The following PCDH11Y variants were observed in gnomAD, a reference collection of about 807,000 sequenced individuals.
PCDH11Y encodes protocadherin 11 Y-linked.
For missense variants in PCDH11Y, 12 were observed against 224.8 expected, an observed-to-expected ratio of 0.05 and a Z score of 6.05; for synonymous variants, 9 against 83.6, an observed-to-expected ratio of 0.11 and a Z score of 4.87.
At chrY:5,295,210 C>T in intron 2 of PCDH11Y, among the ~76,000 whole-genome samples, 1 of 32,639 alleles carries the variant, frequency 3.1e-5, no homozygotes, top group Non-Finnish European at 7.5e-5. Flanking sequence ...TTATTAAATG[C>T]CTTGAGGTGA....
At chrY:5,407,991 C>A (rs2053242378) in intron 2 of PCDH11Y, among the ~76,000 whole-genome samples, 1 of 28,838 alleles carries the variant, frequency 3.5e-5, no homozygotes. Context: ...CGCAGAAGCA[C>A]ATCTTTGTCT....
intron 2 of PCDH11Y, among the ~76,000 whole-genome samples, chrY:5,158,088 A>G: frequency 3.1e-5 from 1 of 32,394 alleles, no homozygotes; most frequent in Non-Finnish European, 7.6e-5. Flanking sequence ...ACCTTATCCA[A>G]TTCTTCAAAA....
chrY:5,605,052 A>G (rs2124700052), intron 4 of PCDH11Y, among the ~76,000 whole-genome samples: 3 of 33,314 alleles, frequency 9.0e-5, no homozygotes, highest in African/African-American at 3.5e-4. Flanking sequence ...TACAAATGGT[A>G]GTTTATCCTT....
intron 2 of PCDH11Y, among the ~76,000 whole-genome samples, chrY:5,300,797 A>G: frequency 3.0e-5 from 1 of 33,597 alleles, no homozygotes; most frequent in Admixed American, 2.8e-4. Flanking sequence ...TCTTTCAATG[A>G]CAGCAGGTTT....
chrY:5,416,310 A>G, intron 2 of PCDH11Y, among the ~76,000 whole-genome samples: 1 of 33,068 alleles, frequency 3.0e-5, no homozygotes, highest in Non-Finnish European at 7.4e-5. Flanking sequence ...CTGCATTACA[A>G]GTGAAGGCAA....
intron 3 of PCDH11Y, among the ~76,000 whole-genome samples, chrY:5,513,185 C>T (rs2053368121): frequency 3.2e-5 from 1 of 31,598 alleles, no homozygotes; most frequent in Non-Finnish European, 7.6e-5. Context: ...CACTGGCCAC[C>T]ACGCCCGGCT....
chrY:5,509,041 A>C lies in PCDH11Y; in HGVS notation c.3328+7786A>C, dbSNP rs2053361536. On this transcript the variant is annotated intron_variant, in intron 3 of 4. Transcript: ENST00000400457. ...AGATAACTGAGATTTGGCCCTTTTA[A>C]GCAACAACTTAATGTTCTAAATTAA... Among the ~76,000 whole-genome samples the C allele has an allele frequency of 6.6e-4, 22 of 33,083 alleles. No homozygotes were observed. In the South Asian group the frequency reaches 0.014, roughly 21 times the overall value. The allele number at this position is 33,083 out of a possible 37,273, so 88.8% of individuals were successfully genotyped here.
chrY:5,507,982 C>A, intron 3 of PCDH11Y, among the ~76,000 whole-genome samples: 1 of 33,152 alleles, frequency 3.0e-5, no homozygotes, highest in African/African-American at 1.2e-4. Flanking sequence ...AGACTATTTG[C>A]CATTTGTTAT....
At chrY:5,013,261 A>C in intron 1 of PCDH11Y, among the ~76,000 whole-genome samples, 2 of 33,807 alleles carry the variant, frequency 5.9e-5, no homozygotes, top group African/African-American at 2.3e-4. Flanking sequence ...AAAAAATATG[A>C]AATAATTTCT....
intron 1 of PCDH11Y, among the ~76,000 whole-genome samples, chrY:5,024,056 T>C (rs111335135): frequency 3.0e-5 from 1 of 33,387 alleles, no homozygotes; most frequent in Non-Finnish European, 7.4e-5. Flanking sequence ...TCTTTACTTA[T>C]TGATGTAGTG....
intron 2 of PCDH11Y, among the ~76,000 whole-genome samples, chrY:5,256,096 A>C: frequency 6.0e-5 from 2 of 33,310 alleles, no homozygotes; most frequent in Non-Finnish European, 1.5e-4. Context: ...CTTGTAGGGT[A>C]TGACTCAAGA....
At chrY:5,666,729 CCT>C (rs2053544974) in intron 4 of PCDH11Y, among the ~76,000 whole-genome samples, 1 of 31,278 alleles carries the variant, frequency 3.2e-5, no homozygotes, top group Non-Finnish European at 7.7e-5. Context: ...TCCCTTTCTC[CCT>C]GTCTCCCTCT....
At chrY:5,244,651 A>G (rs2052993531) in intron 2 of PCDH11Y, among the ~76,000 whole-genome samples, 1 of 34,197 alleles carries the variant, frequency 2.9e-5, no homozygotes, top group Non-Finnish European at 7.3e-5. Flanking sequence ...TCATGAGCCC[A>G]TGCCACCAGG....
chrY:5,669,188 G>A (rs207480494), intron 4 of PCDH11Y, among the ~76,000 whole-genome samples: 4 of 32,490 alleles, frequency 1.2e-4, no homozygotes, highest in Non-Finnish European at 2.3e-4. Flanking sequence ...AAATCCTCTC[G>A]TCTAGCTTTT....
Position 5,401,769 on chromosome Y carries a change from T to C in PCDH11Y, c.3130-99288T>C, listed in dbSNP as rs1602920015. Among the ~76,000 whole-genome samples the C allele has an allele frequency of 3.3e-4, 11 of 32,951 alleles. No individual in the cohort carries two copies. The South Asian group carries it at 6.2e-3, about 19-fold the overall frequency. 88.4% of individuals were successfully genotyped at this position (32,951 alleles called of 37,273 possible). On this transcript the variant is annotated intron_variant, in intron 2 of 4. Transcript: ENST00000400457. ...AATACCTCTCATTCAGTATCCACCG[T>C]TGGCATTCTGTCTTCCCACTACAGC...
At chrY:5,697,904 A>C in intron 4 of PCDH11Y, among the ~76,000 whole-genome samples, 1 of 30,023 alleles carries the variant, frequency 3.3e-5, no homozygotes, top group African/African-American at 1.3e-4. Context: ...TAGTTGCTTC[A>C]TAGTTTCATT....
At chrY:5,398,623 A>G in intron 2 of PCDH11Y, among the ~76,000 whole-genome samples, 1 of 32,521 alleles carries the variant, frequency 3.1e-5, no homozygotes, top group Non-Finnish European at 7.5e-5. Flanking sequence ...CAGTTATTAG[A>G]CATTATAAAT....
chrY:5,734,557 C>T, intron 4 of PCDH11Y, among the ~76,000 whole-genome samples: 1 of 32,890 alleles, frequency 3.0e-5, no homozygotes, highest in African/African-American at 1.2e-4. Flanking sequence ...TGCTGTGGTG[C>T]TTTCTACAGT....
chrY:5,465,611 T>C, intron 2 of PCDH11Y, among the ~76,000 whole-genome samples: 3 of 32,531 alleles, frequency 9.2e-5, no homozygotes, highest in Middle Eastern at 0.029. Context: ...GAAATTCTAT[T>C]TTATCTTACT....
Sources: allele counts gnomAD v4.1 joint callset (sites outside exome capture counted in the v4.1 genomes callset), GRCh38; gene constraint gnomAD v4.1.1; transcripts MANE v1.5; gene names NCBI Gene and HGNC (gene_info 2026-07-23, HGNC 2026-07-21).